ZSCAN2: variants seen among roughly 807,000 people sequenced by gnomAD.
The protein encoded by ZSCAN2 is zinc finger and SCAN domain containing 2.
In ZSCAN2, 26 loss-of-function variants were observed where a neutral mutation model predicts 47.8. The ratio of observed to expected loss-of-function variants is 0.54; its 90% CI spans 0.40 to 0.75. ZSCAN2 has a LOEUF of 0.75. Among genes scored for constraint, ZSCAN2 ranks in the 30% least tolerant of loss-of-function variants. The pLI, the probability that ZSCAN2 is intolerant of heterozygous loss-of-function variation, is 0.00. For synonymous variants in ZSCAN2, 305 were observed against 288.7 expected (o/e 1.06, Z -0.57); for missense variants, 732 against 785.4 (o/e 0.93, Z 0.81).
intron 2 of ZSCAN2, among the ~76,000 whole-genome samples, chr15:84,616,879 C>T (rs904210365): frequency 6.6e-6 from 1 of 151,984 alleles, no homozygotes; most frequent in African/African-American, 2.4e-5. Flanking sequence ...TCCCAGCACT[C>T]TAGGAGGCGG....
intron 2 of ZSCAN2, among the ~76,000 whole-genome samples, chr15:84,619,242 T>C (rs1018757823): frequency 2.0e-5 from 3 of 152,030 alleles, no homozygotes; most frequent in Non-Finnish European, 2.9e-5. Context: ...CCATCCTGGC[T>C]AACATGGTGA....
chr15:84,620,597 T>C lies in ZSCAN2; in HGVS notation c.407-5T>C. The C allele has an allele frequency of 6.3e-7, 1 of 1,591,710 alleles. No individual in the cohort carries two copies. The highest frequency in any genetic ancestry group is 8.6e-7 in the Non-Finnish European group (1 of 1,162,686). ...GACATTGTATGTTTTTCTTCATTGTTTCAGATTTTGAGATACAGAGTGAAA... is the reference window on the plus strand; with the variant it reads ...GACATTGTATGTTTTTCTTCATTGTCTCAGATTTTGAGATACAGAGTGAAA... On this transcript the variant is annotated splice_polypyrimidine_tract_variant and splice_region_variant and intron_variant, in intron 2 of 2. Coordinates refer to ENST00000546148, the MANE Select transcript of ZSCAN2 (RefSeq NM_181877.4).
At chr15:84,607,212 T>G (rs1009106726) in intron 2 of ZSCAN2, among the ~76,000 whole-genome samples, 1 of 152,110 alleles carries the variant, frequency 6.6e-6, no homozygotes, top group Admixed American at 6.5e-5. Flanking sequence ...TGCGTGGAGT[T>G]TCTCACCTGA....
At chr15:84,607,990 G>T (rs532516098) in intron 2 of ZSCAN2, among the ~76,000 whole-genome samples, 1 of 152,064 alleles carries the variant, frequency 6.6e-6, no homozygotes, top group Non-Finnish European at 1.5e-5. Flanking sequence ...GCTAGAAGTC[G>T]TCTCCCCCAG....
At chr15:84,618,609 C>T (rs965870858) in intron 2 of ZSCAN2, among the ~76,000 whole-genome samples, 23 of 151,236 alleles carry the variant, frequency 1.5e-4, no homozygotes, top group African/African-American at 4.9e-4. Context: ...TTGCCCAGGC[C>T]GGAGTGCAGT....
intron 2 of ZSCAN2, among the ~76,000 whole-genome samples, chr15:84,613,526 T>C (rs1473852222): frequency 2.6e-5 from 4 of 152,176 alleles, no homozygotes; most frequent in Non-Finnish European, 5.9e-5. Context: ...CAGGGTAGTC[T>C]AGAACTCCTG....
In ZSCAN2 at chr15:84,617,500, T is replaced by C. The variant is rs557756349; in HGVS notation, c.407-3102T>C. 2.0e-5 allele frequency among the ~76,000 whole-genome samples: 3 copies of C among 152,184 alleles called. No homozygotes were observed. The East Asian group carries it at 5.8e-4, about 29-fold the overall frequency. Reference sequence around the variant, plus strand: ...TTCCTGGTTCTGCCGAGTCAGAGTATACCTTGTGCCCCTTGTGCCTGTATC... The same window carrying C: ...TTCCTGGTTCTGCCGAGTCAGAGTACACCTTGTGCCCCTTGTGCCTGTATC... On this transcript the variant is annotated intron_variant, in intron 2 of 2. Coordinates refer to ENST00000546148, the MANE Select transcript of ZSCAN2 (RefSeq NM_181877.4).
chr15:84,621,788 A>G lies in ZSCAN2; in HGVS notation c.1593A>G (p.Lys531=), dbSNP rs1237982065. The change falls in exon 3 of 3, where the codon AAA becomes AAG. Residue 531 remains lysine, a synonymous_variant. Coordinates refer to ENST00000546148, the MANE Select transcript of ZSCAN2 (RefSeq NM_181877.4). This position sits in a 1 kb window ranked among gnomAD's most constrained non-coding sequence, Gnocchi z 5.7. The part of the protein sequence containing the change: ...QRTHTGEKPY[K]CLMCGKSFSR... ...CCCACACGGGCGAGAAGCCCTACAAATGCCTCATGTGCGGCAAGAGCTTCA... is the reference window on the plus strand; with the variant it reads ...CCCACACGGGCGAGAAGCCCTACAAGTGCCTCATGTGCGGCAAGAGCTTCA... 6.8e-6 allele frequency: 11 copies of G among 1,613,970 alleles called. No individual in the cohort carries two copies. Among genetic ancestry groups the G allele is most frequent in the Admixed American group, 6.7e-5 (4 of 60,004 alleles).
intron 2 of ZSCAN2, among the ~76,000 whole-genome samples, chr15:84,617,211 G>A (rs1288703738): frequency 2.0e-5 from 3 of 152,108 alleles, no homozygotes; most frequent in South Asian, 2.1e-4. Context: ...CAAGGCGGGC[G>A]GCTCACTTGA....
rs562242093 is a variant in ZSCAN2 at position 84,623,263 on chromosome 15, T to C, written c.*1223T>C. On this transcript the variant is annotated 3_prime_UTR_variant, in exon 3 of 3. Coordinates refer to ENST00000546148, the MANE Select transcript of ZSCAN2 (RefSeq NM_181877.4). ...CCACCACACCCAGCTAATTTCTTTTTTTGTATTTTTAGTAGAGACGGGGTT... is the reference window on the plus strand; with the variant it reads ...CCACCACACCCAGCTAATTTCTTTTCTTGTATTTTTAGTAGAGACGGGGTT... 3.0e-5 allele frequency: 5 copies of C among 167,248 alleles called. No homozygotes were observed. Among genetic ancestry groups the C allele is most frequent in the Middle Eastern group, 2.5e-3 (1 of 404 alleles). 10.4% of individuals were successfully genotyped at this position (167,248 alleles called of 1,614,324 possible). A position where few individuals can be genotyped will look rare whatever the true frequency, so the allele number is the denominator to read the frequency against.
intron 2 of ZSCAN2, among the ~76,000 whole-genome samples, chr15:84,609,348 G>GAGACTT (rs1416584666): frequency 6.6e-6 from 1 of 151,246 alleles, no homozygotes; most frequent in African/African-American, 2.4e-5. Context: ...GAGAGACAAA[G>GAGACTT]TCTCACTCTG....
In ZSCAN2 at chr15:84,621,245, C is replaced by T. The variant is rs757441916; in HGVS notation, c.1050C>T (p.Asn350=). Residue 350 remains asparagine (N), a synonymous_variant, in exon 3 of 3, where the codon AAC becomes AAT. Transcript: ENST00000546148. This position sits in a 1 kb window ranked among gnomAD's most constrained non-coding sequence, Gnocchi z 5.7. ...GKSFGNRSSL[N]THQGIHTGEK... ...GCTTTGGCAACCGATCCAGCCTTAA[C>T]ACGCATCAGGGGATCCACACTGGAG... is the stretch of plus-strand genomic sequence containing the variant. The T allele has an allele frequency of 3.1e-6, 5 of 1,613,682 alleles. No homozygotes were observed. Among genetic ancestry groups the T allele is most frequent in the Non-Finnish European group, 4.2e-6 (5 of 1,179,932 alleles).
chr15:84,610,952 A>C (rs182769077), intron 2 of ZSCAN2, among the ~76,000 whole-genome samples: 18 of 152,256 alleles, frequency 1.2e-4, no homozygotes, highest in Non-Finnish European at 1.6e-4. Flanking sequence ...AAATAGAATA[A>C]AAGGTAAAAG....
chr15:84,622,305 C>T lies in ZSCAN2; in HGVS notation c.*265C>T. On this transcript the variant is annotated 3_prime_UTR_variant, in exon 3 of 3. Transcript: ENST00000546148. Reference sequence around the variant, plus strand: ...TACATTGGGTGACTTGATTGGCCCCCTCTCATGATTCCTCTGTGCCTCAGT... The same window carrying T: ...TACATTGGGTGACTTGATTGGCCCCTTCTCATGATTCCTCTGTGCCTCAGT... The T allele has an allele frequency of 1.7e-6, 1 of 574,804 alleles. No homozygotes were observed. Among genetic ancestry groups the T allele is most frequent in the South Asian group, 2.3e-5 (1 of 42,582 alleles). The allele number at this position is 574,804 out of a possible 1,614,324, so 35.6% of individuals were successfully genotyped here. A position where few individuals can be genotyped will look rare whatever the true frequency, so the allele number is the denominator to read the frequency against.
intron 2 of ZSCAN2, among the ~76,000 whole-genome samples, chr15:84,605,317 C>G (rs980752797): frequency 1.3e-5 from 2 of 152,010 alleles, no homozygotes; most frequent in African/African-American, 2.4e-5. Flanking sequence ...TCTCAGGGCT[C>G]GAAGGATATG....
chr15:84,620,131 TC>T (rs1197063829), intron 2 of ZSCAN2, among the ~76,000 whole-genome samples: 1 of 152,096 alleles, frequency 6.6e-6, no homozygotes, highest in African/African-American at 2.4e-5. Context: ...GTGTGTTATT[TC>T]CCTCCATGTG....
At chr15:84,605,161 A>C (rs555995722) in intron 2 of ZSCAN2, among the ~76,000 whole-genome samples, 1 of 152,320 alleles carries the variant, frequency 6.6e-6, no homozygotes, top group African/African-American at 2.4e-5. Context: ...AGCTCTTTGC[A>C]ATAGTTACTC....
At chr15:84,613,192 C>A (rs768202605) in intron 2 of ZSCAN2, among the ~76,000 whole-genome samples, 1 of 152,162 alleles carries the variant, frequency 6.6e-6, no homozygotes. Flanking sequence ...CTTCTCTTGG[C>A]CTGTCTATTT....
chr15:84,622,693 T>C lies in ZSCAN2; in HGVS notation c.*653T>C. On this transcript the variant is annotated 3_prime_UTR_variant, in exon 3 of 3. Coordinates refer to ENST00000546148, the MANE Select transcript of ZSCAN2 (RefSeq NM_181877.4). The stretch of plus-strand genomic sequence containing the variant: ...TTGAGGAAGTACAGCCTGGAGCCAG[T>C]GTCCCAGTGTCCTTTCCATTGGTAA... The C allele has an allele frequency of 1.4e-6, 1 of 717,132 alleles. No homozygotes were observed. The highest frequency in any genetic ancestry group is 2.6e-6 in the Non-Finnish European group (1 of 385,052). 44.4% of individuals were successfully genotyped at this position (717,132 alleles called of 1,614,324 possible). A position where few individuals can be genotyped will look rare whatever the true frequency, so the allele number is the denominator to read the frequency against.
Sources: gnomAD v4.1 joint callset for allele counts (sites outside exome capture counted in the v4.1 genomes callset) on GRCh38, gnomAD v4.1.1 for gene constraint, Gnocchi (gnomAD v3.1) non-coding constraint, MANE v1.5 for transcripts, NCBI Gene and HGNC (gene_info 2026-07-23, HGNC 2026-07-21) for gene names.